Variants in KCNQ1 observed in about 807,000 individuals in gnomAD.
KCNQ1 encodes the protein potassium voltage-gated channel subfamily KQT member 1.
In KCNQ1, 49 loss-of-function variants were observed where a neutral mutation model predicts 72.4. That is an observed-to-expected ratio of 0.68 (90% CI 0.54 to 0.86). The LOEUF is 0.86. Among genes scored for constraint, KCNQ1 ranks in the 40% least tolerant of loss-of-function variants. The pLI is 0.00. For missense variants in KCNQ1, 790 were observed against 945.1 expected (o/e 0.84, Z 2.15); for synonymous variants, 450 against 412.6 (o/e 1.09, Z -1.10).
In KCNQ1 at chr11:2,611,972, C is replaced by G. The variant is rs540978906; in HGVS notation, c.1393+23118C>G. On this transcript the variant is annotated intron_variant, in intron 10 of 15. Transcript: ENST00000155840. The surrounding 1 kb of genome is among the most constrained non-coding windows in gnomAD (Gnocchi z 5.3). Reference sequence around the variant, plus strand: ...CAAATATTTTTGTCTGCCCTATTCTCTCCTTCTCAGTACTCTTATTAACAC... The same window carrying G: ...CAAATATTTTTGTCTGCCCTATTCTGTCCTTCTCAGTACTCTTATTAACAC... 2 of 398,652 alleles carry G rather than the reference C, an allele frequency of 5.0e-6. No homozygotes were observed. The highest frequency in any genetic ancestry group is 2.5e-4 in the South Asian group (2 of 7,848). The allele number at this position is 398,652 out of a possible 1,614,324, so 24.7% of individuals were successfully genotyped here.
At position 2,516,234 on chromosome 11, in the gene KCNQ1, C is replaced by A. The variant is rs913835543; in HGVS notation, c.387-11694C>A. Among the ~76,000 whole-genome samples the A allele has an allele frequency of 2.6e-5, 4 of 152,112 alleles. No homozygotes were observed. The highest frequency in any genetic ancestry group is 9.7e-5 in the African/African-American group (4 of 41,412). ...GTGTGACTTGAGGCAGGTCCCTTAA[C>A]CTCTCTGAGCTTCCTCCTCTCCTGT... On this transcript the variant is annotated intron_variant, in intron 1 of 15. Coordinates refer to ENST00000155840, the MANE Select transcript of KCNQ1 (RefSeq NM_000218.3). The surrounding 1 kb of genome is among the most constrained non-coding windows in gnomAD (Gnocchi z 7.0).
intron 1 of KCNQ1, among the ~76,000 whole-genome samples, chr11:2,456,748 T>C (rs7129506): frequency 0.24 from 31,729 of 131,960 alleles, 4,595 homozygotes; most frequent in African/African-American, 0.39. Context: ...GGTGAAACCC[T>C]GTCTCTACTA....
chr11:2,687,384 T>C lies in KCNQ1; in HGVS notation c.1514+25303T>C, dbSNP rs934220068. 1.0e-5 allele frequency: 4 copies of C among 398,556 alleles called. No homozygotes were observed. Among genetic ancestry groups the C allele is most frequent in the African/African-American group, 8.2e-5 (4 of 48,638 alleles). 24.7% of individuals were successfully genotyped at this position (398,556 alleles called of 1,614,324 possible). ...CTTGGGCTGTCACTCAGGGCTGAGC[T>C]CTGCTGAAGGATCTGGGAGGTCAGT... On this transcript the variant is annotated intron_variant, in intron 11 of 15. Transcript: ENST00000155840. The surrounding 1 kb of genome is among the most constrained non-coding windows in gnomAD (Gnocchi z 5.0).
At chr11:2,793,508 C>T (rs748873574) in intron 15 of KCNQ1, among the ~76,000 whole-genome samples, 8 of 146,276 alleles carry the variant, frequency 5.5e-5, no homozygotes, top group South Asian at 2.1e-4. Flanking sequence ...CCTGTGGTCC[C>T]GGCTGCTCAG....
In KCNQ1 at chr11:2,566,698, T is replaced by C. The variant is rs1848252894; in HGVS notation, c.478-3930T>C. Among the ~76,000 whole-genome samples, 6 of 152,088 alleles carry C rather than the reference T, an allele frequency of 3.9e-5. No homozygotes were observed. The highest frequency in any genetic ancestry group is 3.9e-4 in the Admixed American group (6 of 15,278). ...ACCAAGGACGGCTCTTCTTCTCGTA[T>C]CTACGGGGCAGAGCTCAGGGCCGCA... On this transcript the variant is annotated intron_variant, in intron 2 of 15. Transcript: ENST00000155840. This position sits in a 1 kb window ranked among gnomAD's most constrained non-coding sequence, Gnocchi z 6.7.
Position 2,787,281 on chromosome 11 carries a change from C to T in KCNQ1, c.1794+9244C>T, listed in dbSNP as rs1846932241. 6.6e-6 allele frequency among the ~76,000 whole-genome samples: 1 copy of T among 152,182 alleles called. No homozygotes were observed. The highest frequency in any genetic ancestry group is 1.5e-5 in the Non-Finnish European group (1 of 68,030). On this transcript the variant is annotated intron_variant, in intron 15 of 15. Coordinates refer to ENST00000155840, the MANE Select transcript of KCNQ1 (RefSeq NM_000218.3). This position sits in a 1 kb window ranked among gnomAD's most constrained non-coding sequence, Gnocchi z 6.3. Reference sequence around the variant, plus strand: ...GTAGGAGATTTTTCATTGGCCCTCACAATGAAAGCAGAGCCCTTTGAGGGT... The same window carrying T: ...GTAGGAGATTTTTCATTGGCCCTCATAATGAAAGCAGAGCCCTTTGAGGGT...
At chr11:2,699,803 G>C in intron 11 of KCNQ1, 1 of 397,504 alleles carries the variant, frequency 2.5e-6, no homozygotes, top group Non-Finnish European at 4.4e-6. Flanking sequence ...GGGGCGCGCC[G>C]GGGAGAACCA....
Position 2,493,552 on chromosome 11 carries a change from T to A in KCNQ1, c.387-34376T>A, listed in dbSNP as rs179395. ...TAAGTTGTAAGGAAGGGGTCCAGTT[T>A]CTGTTTTCTGCATATGACTAGCCAG... On this transcript the variant is annotated intron_variant, in intron 1 of 15. Transcript: ENST00000155840. This position sits in a 1 kb window ranked among gnomAD's most constrained non-coding sequence, Gnocchi z 5.3. Among the ~76,000 whole-genome samples the A allele has an allele frequency of 0.22, 32,870 of 152,138 alleles. 4,431 individuals carry two copies. The highest frequency in any genetic ancestry group is 0.38 in the African/African-American group (15,812 of 41,472).
In KCNQ1 at chr11:2,588,642, A is replaced by T; in HGVS notation, c.1252-71A>T. 1.9e-6 allele frequency: 3 copies of T among 1,596,946 alleles called. No individual in the cohort carries two copies. Among genetic ancestry groups the T allele is most frequent in the East Asian group, 4.5e-5 (2 of 44,748 alleles). On this transcript the variant is annotated intron_variant, in intron 9 of 15. Transcript: ENST00000155840. This position sits in a 1 kb window ranked among gnomAD's most constrained non-coding sequence, Gnocchi z 5.6. ...CTGGGCTCGGGGCGGCTGCACAGGCACTCTGGGGCCGGCGTAGGGCCTGGC... is the reference window on the plus strand; with the variant it reads ...CTGGGCTCGGGGCGGCTGCACAGGCTCTCTGGGGCCGGCGTAGGGCCTGGC...
In KCNQ1 at chr11:2,762,634, G is replaced by C. The variant is rs1029087137; in HGVS notation, c.1515-6210G>C. On this transcript the variant is annotated intron_variant, in intron 11 of 15. Coordinates refer to ENST00000155840, the MANE Select transcript of KCNQ1 (RefSeq NM_000218.3). The surrounding 1 kb of genome is among the most constrained non-coding windows in gnomAD (Gnocchi z 4.3). Reference sequence around the variant, plus strand: ...GGAGGTGAGCGGTTGGCAAGTGAACGTGATCACCTGAGCTCCGCCTCCTGT... The same window carrying C: ...GGAGGTGAGCGGTTGGCAAGTGAACCTGATCACCTGAGCTCCGCCTCCTGT... Among the ~76,000 whole-genome samples the C allele has an allele frequency of 6.6e-6, 1 of 152,190 alleles. No individual in the cohort carries two copies. The highest frequency in any genetic ancestry group is 1.5e-5 in the Non-Finnish European group (1 of 68,042).
Position 2,748,776 on chromosome 11 carries a change from C to T in KCNQ1, c.1515-20068C>T, listed in dbSNP as rs1002171186. On this transcript the variant is annotated intron_variant, in intron 11 of 15. Coordinates refer to ENST00000155840, the MANE Select transcript of KCNQ1 (RefSeq NM_000218.3). The surrounding 1 kb of genome is among the most constrained non-coding windows in gnomAD (Gnocchi z 6.2). ...AGGGGCAGGCTAGGCCTTTCTTGAA[C>T]TCACTGTGAGCTACAGAGACTGTGT... 4.6e-5 allele frequency among the ~76,000 whole-genome samples: 7 copies of T among 152,228 alleles called. No homozygotes were observed. The highest frequency in any genetic ancestry group is 7.3e-5 in the Non-Finnish European group (5 of 68,036).
At chr11:2,633,277 C>T (rs1260650940) in intron 10 of KCNQ1, 1 of 398,372 alleles carries the variant, frequency 2.5e-6, no homozygotes, top group African/African-American at 2.1e-5. Flanking sequence ...CTTGTATATT[C>T]CGGATATTAA....
intron 1 of KCNQ1, among the ~76,000 whole-genome samples, chr11:2,520,514 G>T (rs1847364001): frequency 6.6e-6 from 1 of 152,198 alleles, no homozygotes; most frequent in African/African-American, 2.4e-5. Flanking sequence ...TGAGGGGGGT[G>T]ACAGCCACTG....
rs3852526 is a variant in KCNQ1 at position 2,802,320 on chromosome 11, G to A, written c.1794+24283G>A. Among the ~76,000 whole-genome samples, 384 of 152,312 alleles carry A rather than the reference G, an allele frequency of 2.5e-3. 2 individuals carry two copies. The highest frequency in any genetic ancestry group is 8.9e-3 in the African/African-American group (368 of 41,578). ...CCTGGCTCCGGCCCTGTCGCCAGCC[G>A]GCAGCACTGGGGCCACCAGCACAGC... On this transcript the variant is annotated intron_variant, in intron 15 of 15. Transcript: ENST00000155840.
intron 10 of KCNQ1, among the ~76,000 whole-genome samples, chr11:2,605,552 G>A (rs1000113475): frequency 1.7e-4 from 26 of 152,202 alleles, no homozygotes; most frequent in African/African-American, 2.4e-4. Flanking sequence ...TATTCTTTCC[G>A]CATTGAACAT....
At chr11:2,641,341 C>G (rs1849573451) in intron 10 of KCNQ1, 1 of 398,134 alleles carries the variant, frequency 2.5e-6, no homozygotes, top group African/African-American at 2.1e-5. Flanking sequence ...TTTAAAATAG[C>G]CATTCTCACT....
Position 2,478,925 on chromosome 11 carries a change from C to A in KCNQ1, c.386+33441C>A, listed in dbSNP as rs1233125518. ...GGGTACAGGCCTTGGATAAATACACCCATTTGAAATGGGAGTAATTGGCCA... is the reference window on the plus strand; with the variant it reads ...GGGTACAGGCCTTGGATAAATACACACATTTGAAATGGGAGTAATTGGCCA... On this transcript the variant is annotated intron_variant, in intron 1 of 15. Coordinates refer to ENST00000155840, the MANE Select transcript of KCNQ1 (RefSeq NM_000218.3). The surrounding 1 kb of genome is among the most constrained non-coding windows in gnomAD (Gnocchi z 4.0). Among the ~76,000 whole-genome samples the A allele has an allele frequency of 5.9e-5, 9 of 152,112 alleles. No homozygotes were observed. Among genetic ancestry groups the A allele is most frequent in the Non-Finnish European group, 2.9e-5 (2 of 68,034 alleles).
At chr11:2,805,796 G>A (rs554064495) in intron 15 of KCNQ1, among the ~76,000 whole-genome samples, 10 of 152,262 alleles carry the variant, frequency 6.6e-5, no homozygotes, top group African/African-American at 2.2e-4. Context: ...AGTATGAGCC[G>A]GTTCCCTGCT....
chr11:2,570,238 G>T (rs934366064), intron 2 of KCNQ1, among the ~76,000 whole-genome samples: 1 of 152,074 alleles, frequency 6.6e-6, no homozygotes. Flanking sequence ...GCCCAAGCTG[G>T]AGTTCCTGGT....
Sources: gnomAD v4.1 joint callset for allele counts (sites outside exome capture counted in the v4.1 genomes callset) on GRCh38, gnomAD v4.1.1 for gene constraint, Gnocchi (gnomAD v3.1) non-coding constraint, MANE v1.5 for transcripts, NCBI Gene and HGNC (gene_info 2026-07-23, HGNC 2026-07-21) for gene names.